Variants in DGLUCY observed in about 807,000 individuals in gnomAD.
DGLUCY encodes the protein D-glutamate cyclase, mitochondrial.
In DGLUCY, 58 loss-of-function variants were observed where a neutral mutation model predicts 58.5. The observed-to-expected ratio is 0.99, with a 90% CI of 0.80 to 1.23. DGLUCY has a LOEUF of 1.23. DGLUCY is among the 50% of genes most tolerant of loss of function. DGLUCY has a pLI of 0.00. For synonymous variants in DGLUCY, 325 were observed against 314.1 expected (o/e 1.03, Z -0.37); for missense variants, 779 against 784.7 (o/e 0.99, Z 0.09).
chr14:91,201,603 C>T (rs2140597561), intron 11 of DGLUCY, among the ~76,000 whole-genome samples: 1 of 152,106 alleles, frequency 6.6e-6, no homozygotes, highest in East Asian at 1.9e-4. Flanking sequence ...GGCTGCTTGG[C>T]TAACTTTTAA....
At chr14:91,063,039 C>A (rs1191826562) in intron 1 of DGLUCY, among the ~76,000 whole-genome samples, 1 of 152,122 alleles carries the variant, frequency 6.6e-6, no homozygotes, top group East Asian at 1.9e-4. Context: ...TATAAACTTT[C>A]CATTGTGATC....
chr14:91,178,429 G>T (rs2048985506), intron 7 of DGLUCY, among the ~76,000 whole-genome samples: 1 of 152,146 alleles, frequency 6.6e-6, no homozygotes, highest in Non-Finnish European at 1.5e-5. Context: ...CTCCCAAAGT[G>T]CTGGGATTAT....
intron 1 of DGLUCY, among the ~76,000 whole-genome samples, chr14:91,077,387 G>A (rs1355071133): frequency 6.8e-6 from 1 of 148,034 alleles, no homozygotes; most frequent in Non-Finnish European, 1.5e-5. Flanking sequence ...GGAAAGGAAG[G>A]AAGGAAGGAG....
upstream of DGLUCY, chr14:91,107,843 G>A (rs1595653263): frequency 6.6e-6 from 1 of 152,576 alleles, no homozygotes; most frequent in Non-Finnish European, 1.5e-5. Context: ...CACGAGACAG[G>A]GAGCTACTTT....
intron 1 of DGLUCY, among the ~76,000 whole-genome samples, chr14:91,090,566 A>G (rs1310012369): frequency 1.3e-5 from 2 of 152,140 alleles, no homozygotes; most frequent in Admixed American, 6.5e-5. Context: ...GCCTCCTGCC[A>G]TGGCTCTAGG....
chr14:91,166,827 G>C (rs1006128879), intron 3 of DGLUCY, among the ~76,000 whole-genome samples: 1 of 152,028 alleles, frequency 6.6e-6, no homozygotes, highest in East Asian at 1.9e-4. Context: ...GGGGCTGGGC[G>C]CAATGGCTCA....
intron 1 of DGLUCY, among the ~76,000 whole-genome samples, chr14:91,115,755 A>G (rs779683734): frequency 6.6e-6 from 1 of 152,206 alleles, no homozygotes; most frequent in Non-Finnish European, 1.5e-5. Context: ...GCTGAGGGCT[A>G]GATCCCCGGA....
In DGLUCY at chr14:91,182,083, T is replaced by A. The variant is rs557145112; in HGVS notation, c.934+694T>A. ...GCAACCTCCATCTCCCGGGTTCAAG[T>A]GATTCTCCTGCCTCAGCCTCCTGAG... On this transcript the variant is annotated intron_variant, in intron 8 of 13. Coordinates refer to ENST00000256324, the MANE Select transcript of DGLUCY (RefSeq NM_001102368.3). Among the ~76,000 whole-genome samples the A allele has an allele frequency of 2.9e-3, 444 of 152,190 alleles. 2 individuals are homozygous for A. Among genetic ancestry groups the A allele is most frequent in the Non-Finnish European group, 4.4e-3 (299 of 68,002 alleles).
intron 1 of DGLUCY, among the ~76,000 whole-genome samples, chr14:91,063,575 A>T (rs956769407): frequency 6.6e-6 from 1 of 152,220 alleles, no homozygotes; most frequent in African/African-American, 2.4e-5. Flanking sequence ...AGATGGGATT[A>T]TTTGCTACCA....
chr14:91,115,364 T>G (rs908126465), intron 1 of DGLUCY: 1 of 152,272 alleles, frequency 6.6e-6, no homozygotes, highest in African/African-American at 2.4e-5. Context: ...CAGGGCAGGG[T>G]GGAGTTAACT....
At chr14:91,196,965 T>C (rs2050258132) in intron 10 of DGLUCY, among the ~76,000 whole-genome samples, 1 of 152,050 alleles carries the variant, frequency 6.6e-6, no homozygotes, top group Non-Finnish European at 1.5e-5. Context: ...ATGGTCAAAC[T>C]TTTTTTCTTT....
chr14:91,141,103 AGGCTG>A (rs2046643224), intron 1 of DGLUCY, among the ~76,000 whole-genome samples: 1 of 152,086 alleles, frequency 6.6e-6, no homozygotes, highest in South Asian at 2.1e-4. Context: ...AATAGTTATC[AGGCTG>A]GGCACAGTGG....
intron 4 of DGLUCY, among the ~76,000 whole-genome samples, chr14:91,168,719 C>A (rs992338468): frequency 6.6e-6 from 1 of 152,264 alleles, no homozygotes; most frequent in African/African-American, 2.4e-5. Flanking sequence ...AGACGGTTGA[C>A]ATTCCTTGCT....
At chr14:91,101,518 TATG>T (rs1157077172) in intron 1 of DGLUCY, among the ~76,000 whole-genome samples, 5 of 152,314 alleles carry the variant, frequency 3.3e-5, no homozygotes, top group African/African-American at 1.2e-4. Flanking sequence ...CTTACAATGA[TATG>T]ACATTTCCAC....
chr14:91,093,373 G>A (rs1270496541), intron 1 of DGLUCY, among the ~76,000 whole-genome samples: 1 of 152,108 alleles, frequency 6.6e-6, no homozygotes, highest in Non-Finnish European at 1.5e-5. Context: ...GGGTAGATGA[G>A]GTACAAAACA....
intron 1 of DGLUCY, among the ~76,000 whole-genome samples, chr14:91,152,084 T>C (rs547943985): frequency 9.8e-5 from 15 of 152,300 alleles, no homozygotes; most frequent in African/African-American, 3.6e-4. Flanking sequence ...ACCATTTGCT[T>C]TCATTGAAAA....
chr14:91,203,999 A>G (rs2140624358), intron 11 of DGLUCY, among the ~76,000 whole-genome samples: 1 of 151,310 alleles, frequency 6.6e-6, no homozygotes, highest in East Asian at 1.9e-4. Flanking sequence ...TCTTATCCAT[A>G]CAAGGGTAGA....
chr14:91,085,076 G>A (rs1331072325), intron 1 of DGLUCY, among the ~76,000 whole-genome samples: 1 of 152,018 alleles, frequency 6.6e-6, no homozygotes, highest in African/African-American at 2.4e-5. Flanking sequence ...TTTGAAATTA[G>A]CCTAGCATGG....
chr14:91,090,372 C>G (rs536166627), intron 1 of DGLUCY, among the ~76,000 whole-genome samples: 23 of 152,280 alleles, frequency 1.5e-4, no homozygotes, highest in African/African-American at 5.5e-4. Flanking sequence ...TCCACATGCT[C>G]TGTTTCTTTT....
Sources: gnomAD v4.1 joint callset for allele counts (sites outside exome capture counted in the v4.1 genomes callset) on GRCh38, gnomAD v4.1.1 for gene constraint, MANE v1.5 for transcripts, NCBI Gene and HGNC (gene_info 2026-07-23, HGNC 2026-07-21) for gene names.